Variants in PLCG2 observed in about 807,000 individuals in gnomAD.
The protein encoded by PLCG2 is 1-phosphatidylinositol 4,5-bisphosphate phosphodiesterase gamma-2.
In PLCG2, 69 loss-of-function variants were observed where a neutral mutation model predicts 175.6. The ratio of observed to expected loss-of-function variants is 0.39; its 90% CI spans 0.32 to 0.48. The LOEUF (loss-of-function observed/expected upper bound fraction) is 0.48, where lower values mean the gene tolerates loss of function less well. Ranked by LOEUF, PLCG2 falls within the 20% of genes least tolerant of loss-of-function variation. The pLI, the probability that PLCG2 is intolerant of heterozygous loss-of-function variation, is 0.91. For missense variants in PLCG2, 1,798 were observed against 1,650.9 expected, an observed-to-expected ratio of 1.09 and a Z score of -1.54; for synonymous variants, 827 against 624.0, an observed-to-expected ratio of 1.33 and a Z score of -4.85.
intron 24 of PLCG2, among the ~76,000 whole-genome samples, chr16:81,929,550 C>T (rs966218147): frequency 6.6e-6 from 1 of 152,292 alleles, no homozygotes. Context: ...CATGGGCCAC[C>T]GTGCCTGGCT....
chr16:81,766,758 C>T (rs1910159908), intron 2 of PLCG2: 1 of 152,192 alleles, frequency 6.6e-6, no homozygotes, highest in Admixed American at 6.6e-5. Context: ...AGCAAGTGTT[C>T]AGTATTGTTC....
intron 13 of PLCG2, 84 bp downstream of exon 13, chr16:81,896,011 C>T (rs1223563832): frequency 1.3e-6 from 2 of 1,507,878 alleles, no homozygotes; most frequent in Admixed American, 3.4e-5. Flanking sequence ...CAGGCAAACA[C>T]ACACAGACAC....
intron 2 of PLCG2, among the ~76,000 whole-genome samples, chr16:81,796,973 A>C (rs1358969359): frequency 1.3e-5 from 2 of 152,214 alleles, no homozygotes; most frequent in Non-Finnish European, 2.9e-5. Flanking sequence ...TGACCTACCC[A>C]TTCAGCCACT....
chr16:81,876,016 CTTTTTTTTTTT>C (rs547152035), intron 7 of PLCG2, among the ~76,000 whole-genome samples: 3 of 114,994 alleles, frequency 2.6e-5, no homozygotes, highest in Admixed American at 1.0e-4. Context: ...CTTTTTCTTT[CTTTTTTTTTTT>C]TTTTTTTTTT....
intron 9 of PLCG2, 124 bp from the exon 10 acceptor site, chr16:81,889,048 A>G: frequency 1.6e-6 from 1 of 621,346 alleles, no homozygotes; most frequent in Non-Finnish European, 3.0e-6. Context: ...GTGGTGGTCG[A>G]TTGCAAGTGA....
At chr16:81,849,554 T>C (rs955724075) in intron 2 of PLCG2, among the ~76,000 whole-genome samples, 13 of 151,556 alleles carry the variant, frequency 8.6e-5, no homozygotes, top group Admixed American at 6.6e-4. Context: ...AGGTCAGGAG[T>C]TCGAGACAAG....
rs374354863 is a variant in PLCG2 at position 81,786,160 on chromosome 16, C to T, written c.171C>T (p.Thr57=). The T allele has an allele frequency of 2.0e-4, 322 of 1,613,992 alleles. 1 individual carries two copies. The highest frequency in any genetic ancestry group is 2.6e-4 in the Non-Finnish European group (304 of 1,180,002). ...CGCGGCAGGTGGCCTGGAGCAAGAC[C>T]GCTGACAAGATCGAGGGCTTCTGTG... is the stretch of plus-strand genomic sequence containing the variant. The part of the protein sequence containing the change: ...METRQVAWSK[T]ADKIEGFLDI... The change falls in exon 2 of 33, where the codon ACC becomes ACT. Residue 57 remains threonine (T), a synonymous_variant. Coordinates refer to ENST00000564138, the MANE Select transcript of PLCG2 (RefSeq NM_002661.5).
At chr16:81,792,209 C>T (rs1911264036) in intron 2 of PLCG2, among the ~76,000 whole-genome samples, 2 of 151,864 alleles carry the variant, frequency 1.3e-5, no homozygotes, top group African/African-American at 2.4e-5. Flanking sequence ...AGCCTGGGCA[C>T]AGTGGCTCAC....
intron 5 of PLCG2, among the ~76,000 whole-genome samples, chr16:81,859,425 T>C (rs531441667): frequency 2.0e-5 from 3 of 152,240 alleles, no homozygotes; most frequent in African/African-American, 7.2e-5. Context: ...TCACAAATAT[T>C]TGAGCACCTT....
chr16:81,896,754 C>G (rs894927920), intron 13 of PLCG2, among the ~76,000 whole-genome samples: 12 of 152,296 alleles, frequency 7.9e-5, no homozygotes, highest in African/African-American at 2.2e-4. Context: ...GAATACCCAC[C>G]TGGGGCCAGG....
At chr16:81,753,388 A>G (rs1355758166) in intron 1 of PLCG2, among the ~76,000 whole-genome samples, 1 of 130,914 alleles carries the variant, frequency 7.6e-6, no homozygotes, top group African/African-American at 3.0e-5. Flanking sequence ...AAATATGTAT[A>G]ATATAAAATT....
intron 2 of PLCG2, among the ~76,000 whole-genome samples, chr16:81,846,922 A>G (rs555641853): frequency 2.4e-3 from 366 of 152,188 alleles, no homozygotes; most frequent in Middle Eastern, 0.014. Context: ...CAAGCAAACA[A>G]TTCTCCATTG....
chr16:81,776,320 A>G (rs547647921), upstream of PLCG2, among the ~76,000 whole-genome samples: 1 of 151,704 alleles, frequency 6.6e-6, no homozygotes, highest in East Asian at 1.9e-4. Context: ...CATGTTAAGC[A>G]GGATGGTCTT....
chr16:81,921,837 G>A, intron 21 of PLCG2, among the ~76,000 whole-genome samples: 2 of 152,364 alleles, frequency 1.3e-5, no homozygotes, highest in Middle Eastern at 6.8e-3. Context: ...GGCCCTGCTT[G>A]TGGGCTCTGT....
At position 81,860,470 on chromosome 16, in the gene PLCG2, G is replaced by A. The variant is rs559054583; in HGVS notation, c.479+1307G>A. Among the ~76,000 whole-genome samples the A allele has an allele frequency of 2.0e-5, 3 of 152,174 alleles. No homozygotes were observed. In the South Asian group the frequency reaches 6.2e-4, roughly 32 times the overall value. ...TCTAATAGTTTGATAGCGAGAGGTA[G>A]CAATTTGTATAATATTTCTACCAGT... On this transcript the variant is annotated intron_variant, in intron 5 of 32. Coordinates refer to ENST00000564138, the MANE Select transcript of PLCG2 (RefSeq NM_002661.5).
intron 19 of PLCG2, among the ~76,000 whole-genome samples, chr16:81,916,711 C>G (rs1909858075): frequency 6.6e-6 from 1 of 151,980 alleles, no homozygotes; most frequent in Non-Finnish European, 1.5e-5. Flanking sequence ...GATCTTGGCT[C>G]ACTGCAACCT....
intron 13 of PLCG2, among the ~76,000 whole-genome samples, chr16:81,897,475 G>T (rs904799462): frequency 6.6e-6 from 1 of 152,002 alleles, no homozygotes; most frequent in African/African-American, 2.4e-5. Context: ...GCTTAACCCT[G>T]CACCTGGCAT....
At chr16:81,873,054 A>G (rs1327144845) in intron 7 of PLCG2, among the ~76,000 whole-genome samples, 1 of 152,202 alleles carries the variant, frequency 6.6e-6, no homozygotes, top group East Asian at 1.9e-4. Context: ...TGGATCATTG[A>G]ATTGCAATGT....
At chr16:81,873,803 G>T (rs1327825664) in intron 7 of PLCG2, among the ~76,000 whole-genome samples, 1 of 152,110 alleles carries the variant, frequency 6.6e-6, no homozygotes, top group Non-Finnish European at 1.5e-5. Context: ...AAGAAGATTT[G>T]CACAAAAGCT....
Sources: gnomAD v4.1 joint callset for allele counts (sites outside exome capture counted in the v4.1 genomes callset) on GRCh38, gnomAD v4.1.1 for gene constraint, MANE v1.5 for transcripts, NCBI Gene and HGNC (gene_info 2026-07-23, HGNC 2026-07-21) for gene names.